The following CNTLN variants were observed in gnomAD, a reference collection of about 807,000 sequenced individuals.
CNTLN encodes centlein.
A neutral mutation model predicts 180.0 loss-of-function variants in CNTLN; 212 were observed. The ratio of observed to expected loss-of-function variants is 1.18; its 90% CI spans 1.05 to 1.32. CNTLN has a LOEUF of 1.32. CNTLN is among the 40% of genes most tolerant of loss of function. The probability of loss-of-function intolerance (pLI) is 0.00; values close to 1 mark genes in which losing one functional copy is unlikely to be tolerated. For synonymous variants in CNTLN, 722 were observed against 563.1 expected (o/e 1.28, Z -3.99); for missense variants, 2,095 against 1,610.9 (o/e 1.30, Z -5.14).
At chr9:17,524,269 T>A in the CNTLN span, among the ~76,000 whole-genome samples, 1 of 152,208 alleles carries the variant, frequency 6.6e-6, no homozygotes, top group Non-Finnish European at 1.5e-5. Flanking sequence ...ATTTCTAAGA[T>A]CTGCCATTGG....
At chr9:17,192,755 GACA>G (rs1371107497) in intron 2 of CNTLN, among the ~76,000 whole-genome samples, 1 of 152,184 alleles carries the variant, frequency 6.6e-6, no homozygotes, top group Admixed American at 6.5e-5. Flanking sequence ...GGAAAAAGAA[GACA>G]ACAAGTGAAT....
chr9:17,176,238 T>A (rs961112658), intron 2 of CNTLN, among the ~76,000 whole-genome samples: 1 of 152,132 alleles, frequency 6.6e-6, no homozygotes. Context: ...TTTGTAAATT[T>A]TTTTTTTATC....
At chr9:17,351,931 A>G (rs1047936147) in intron 12 of CNTLN, among the ~76,000 whole-genome samples, 2 of 152,098 alleles carry the variant, frequency 1.3e-5, no homozygotes, top group African/African-American at 4.8e-5. Flanking sequence ...TTTCATATCT[A>G]AAAATAAGTA....
intron 18 of CNTLN, among the ~76,000 whole-genome samples, chr9:17,423,615 C>A (rs533811117): frequency 9.2e-5 from 14 of 152,262 alleles, no homozygotes; most frequent in African/African-American, 3.4e-4. Flanking sequence ...AGCACCCAGA[C>A]TTGCCCAAGG....
intron 13 of CNTLN, among the ~76,000 whole-genome samples, chr9:17,381,933 T>A (rs1367699396): frequency 6.6e-6 from 1 of 152,186 alleles, no homozygotes; most frequent in East Asian, 1.9e-4. Flanking sequence ...TTTCTTGAGT[T>A]CTAGGCTCAT....
At chr9:17,345,521 T>C (rs1309148948) in intron 12 of CNTLN, among the ~76,000 whole-genome samples, 1 of 151,768 alleles carries the variant, frequency 6.6e-6, no homozygotes, top group Admixed American at 6.6e-5. Flanking sequence ...TTTTTGACTA[T>C]ATCTTTTTGA....
At chr9:17,276,099 A>G (rs183945318) in intron 6 of CNTLN, among the ~76,000 whole-genome samples, 3 of 152,268 alleles carry the variant, frequency 2.0e-5, no homozygotes, top group East Asian at 1.9e-4. Context: ...TAGCCAGGTA[A>G]TAGTACTACA....
At chr9:17,384,906 G>A (rs796993004) in intron 13 of CNTLN, among the ~76,000 whole-genome samples, 5 of 152,120 alleles carry the variant, frequency 3.3e-5, no homozygotes, top group African/African-American at 1.2e-4. Flanking sequence ...TAGCTACTTA[G>A]AATTAGTGCA....
At chr9:17,322,752 C>T (rs1820004181) in intron 8 of CNTLN, among the ~76,000 whole-genome samples, 1 of 151,960 alleles carries the variant, frequency 6.6e-6, no homozygotes, top group Non-Finnish European at 1.5e-5. Context: ...AAAAATTTCT[C>T]ATGGAGTAAA....
At chr9:17,243,227 T>G (rs1250789455) in intron 5 of CNTLN, among the ~76,000 whole-genome samples, 1 of 152,184 alleles carries the variant, frequency 6.6e-6, no homozygotes, top group East Asian at 1.9e-4. Context: ...TTTTCTGAGT[T>G]AATCTGGCTA....
chr9:17,311,722 T>G (rs1159597361), intron 8 of CNTLN, among the ~76,000 whole-genome samples: 1 of 151,874 alleles, frequency 6.6e-6, no homozygotes, highest in African/African-American at 2.4e-5. Flanking sequence ...GGCAGGAGAA[T>G]TGCTCCAACG....
intron 1 of CNTLN, among the ~76,000 whole-genome samples, chr9:17,136,761 C>T (rs1817747305): frequency 6.6e-6 from 1 of 152,146 alleles, no homozygotes; most frequent in East Asian, 1.9e-4. Context: ...GCCCTCTTTT[C>T]GTTTTACCAT....
intron 13 of CNTLN, among the ~76,000 whole-genome samples, chr9:17,387,939 C>A: frequency 4.3e-5 from 4 of 92,198 alleles, no homozygotes; most frequent in Admixed American, 1.4e-4. Flanking sequence ...TTTGAAAAAT[C>A]TTATACTGAA....
At chr9:17,413,035 A>G (rs1827969318) in intron 16 of CNTLN, among the ~76,000 whole-genome samples, 1 of 152,182 alleles carries the variant, frequency 6.6e-6, no homozygotes, top group Non-Finnish European at 1.5e-5. Context: ...TTATCACCCA[A>G]AATTGATTCA....
At chr9:17,218,496 A>T (rs1823914945) in intron 2 of CNTLN, among the ~76,000 whole-genome samples, 1 of 152,146 alleles carries the variant, frequency 6.6e-6, no homozygotes, top group African/African-American at 2.4e-5. Flanking sequence ...CTTATAAAAT[A>T]GTTCATGAAT....
At chr9:17,450,913 TA>T (rs1830743309) in intron 18 of CNTLN, among the ~76,000 whole-genome samples, 1 of 152,164 alleles carries the variant, frequency 6.6e-6, no homozygotes, top group Non-Finnish European at 1.5e-5. Context: ...GTTTTAAATT[TA>T]AAAGTCTTAC....
rs1016155225 is a variant in CNTLN, at chr9:17,244,900, T to A, written c.849+8312T>A. On this transcript the variant is annotated intron_variant, in intron 5 of 25. Transcript: ENST00000380647. ...ATTACATCTTAACACTGATTGCATATACAATTTAAGAAACACTCAAAGAGA... is the reference window on the plus strand; with the variant it reads ...ATTACATCTTAACACTGATTGCATAAACAATTTAAGAAACACTCAAAGAGA... Among the ~76,000 whole-genome samples, 8 of 152,330 alleles carry A rather than the reference T, an allele frequency of 5.3e-5. No individual in the cohort carries two copies. The South Asian group carries it at 1.7e-3, about 32-fold the overall frequency.
At chr9:17,506,623 C>T (rs901008112), downstream of CNTLN, among the ~76,000 whole-genome samples, 1 of 152,042 alleles carries the variant, frequency 6.6e-6, no homozygotes, top group Admixed American at 6.6e-5. Context: ...CAGGATTCTT[C>T]CCAGTAGCAA....
At chr9:17,466,343 A>G (rs756617923) in intron 22 of CNTLN, among the ~76,000 whole-genome samples, 1 of 151,470 alleles carries the variant, frequency 6.6e-6, no homozygotes, top group Non-Finnish European at 1.5e-5. Context: ...ATAGTTTTTA[A>G]GAAATGAAAA....
Sources: gnomAD v4.1 joint callset for allele counts (sites outside exome capture counted in the v4.1 genomes callset) on GRCh38, gnomAD v4.1.1 for gene constraint, MANE v1.5 for transcripts, NCBI Gene and HGNC (gene_info 2026-07-23, HGNC 2026-07-21) for gene names.